ZNF469: variants seen among roughly 807,000 people sequenced by gnomAD.
ZNF469 encodes the protein zinc finger protein 469.
ZNF469 carries 1 observed loss-of-function variant against 1.0 expected under a neutral mutation model. That is an observed-to-expected ratio of 1.00 (90% CI 0.35 to 4.73). The LOEUF is 4.73. ZNF469 is among the 30% of genes most tolerant of loss of function. The pLI, the probability that ZNF469 is intolerant of heterozygous loss-of-function variation, is 0.16. For synonymous variants in ZNF469, 2,703 were observed against 2,363.4 expected (o/e 1.14, Z -4.17); for missense variants, 6,100 against 5,356.3 (o/e 1.14, Z -4.33).
chr16:88,352,111 G>A, the ZNF469 span, among the ~76,000 whole-genome samples: 1 of 152,148 alleles, frequency 6.6e-6, no homozygotes, highest in African/African-American at 2.4e-5. Context: ...ATGGGTGCGA[G>A]GGGCTGGGGG....
chr16:88,435,793 G>A lies in ZNF469; in HGVS notation c.8323G>A (p.Ala2775Thr). 6.4e-7 allele frequency: 1 copy of A among 1,550,592 alleles called. No individual in the cohort carries two copies. The highest frequency in any genetic ancestry group is 8.7e-7 in the Non-Finnish European group (1 of 1,146,952). The change falls in exon 3 of 3, where the codon GCG (alanine) becomes ACG (threonine). Residue 2775 changes from alanine (A) to threonine (T), a missense_variant. By Grantham distance (58) the Ala-to-Thr change is moderately conservative. Coordinates refer to ENST00000565624, the MANE Select transcript of ZNF469 (RefSeq NM_001367624.2). Reference sequence around the variant, plus strand: ...GTGCAAAGAGTCTGGGAGCGAGCCTGCGGAGGACAGCAGCAGGGCCCACAG... The same window carrying A: ...GTGCAAAGAGTCTGGGAGCGAGCCTACGGAGGACAGCAGCAGGGCCCACAG... ...GVCKESGSEP[A>T]EDSSRAHSRS...
At chr16:88,305,451 TAGAC>T in the ZNF469 span, among the ~76,000 whole-genome samples, 1 of 67,890 alleles carries the variant, frequency 1.5e-5, no homozygotes, top group South Asian at 5.4e-4. Flanking sequence ...CACATGCTCA[TAGAC>T]ACACACGCAC....
chr16:88,397,736 C>G (rs558184270), intron 1 of ZNF469, among the ~76,000 whole-genome samples: 1 of 152,010 alleles, frequency 6.6e-6, no homozygotes, highest in Non-Finnish European at 1.5e-5. Flanking sequence ...GAGAGATTCT[C>G]CTCTGTAAGA....
the ZNF469 span, among the ~76,000 whole-genome samples, chr16:88,104,128 A>C: frequency 6.6e-6 from 1 of 151,930 alleles, no homozygotes; most frequent in Admixed American, 6.6e-5. Context: ...TCATGGCTGA[A>C]AAATTGGGAC....
the ZNF469 span, among the ~76,000 whole-genome samples, chr16:88,365,389 G>A: frequency 6.6e-6 from 1 of 152,248 alleles, no homozygotes; most frequent in Non-Finnish European, 1.5e-5. Context: ...TGGCTGCTGG[G>A]ATGGACATGG....
intron 1 of ZNF469, among the ~76,000 whole-genome samples, chr16:88,415,430 T>C (rs1054551293): frequency 6.6e-5 from 10 of 152,208 alleles, no homozygotes; most frequent in African/African-American, 2.4e-4. Flanking sequence ...AAGAAGGCTC[T>C]GTGTCCTGGG....
At chr16:88,206,627 G>A in the ZNF469 span, among the ~76,000 whole-genome samples, 1 of 151,848 alleles carries the variant, frequency 6.6e-6, no homozygotes, top group Non-Finnish European at 1.5e-5. Flanking sequence ...CCAGAGTGGT[G>A]CTGGTTTGTC....
the ZNF469 span, among the ~76,000 whole-genome samples, chr16:88,336,680 A>G: frequency 6.6e-6 from 1 of 152,236 alleles, no homozygotes; most frequent in African/African-American, 2.4e-5. Context: ...CGACATGCCA[A>G]TACCACACAC....
chr16:88,201,412 G>C, the ZNF469 span, among the ~76,000 whole-genome samples: 1 of 152,072 alleles, frequency 6.6e-6, no homozygotes, highest in Admixed American at 6.5e-5. The surrounding 1 kb of genome is among the most constrained non-coding windows in gnomAD (Gnocchi z 5.0). Context: ...AAAATTAGCC[G>C]GGCGTGGTGG....
chr16:88,205,691 G>C, the ZNF469 span, among the ~76,000 whole-genome samples: 2 of 152,172 alleles, frequency 1.3e-5, no homozygotes, highest in African/African-American at 4.8e-5. This position sits in a 1 kb window ranked among gnomAD's most constrained non-coding sequence, Gnocchi z 4.2. Context: ...CAAACCCCGC[G>C]CCTCACTGTC....
chr16:88,272,753 G>A, the ZNF469 span, among the ~76,000 whole-genome samples: 4 of 150,848 alleles, frequency 2.7e-5, no homozygotes, highest in East Asian at 7.9e-4. Flanking sequence ...TGAACGGGTG[G>A]GTGTGTGGAT....
At chr16:88,151,618 G>C in the ZNF469 span, among the ~76,000 whole-genome samples, 3 of 152,226 alleles carry the variant, frequency 2.0e-5, no homozygotes, top group Non-Finnish European at 4.4e-5. This position sits in a 1 kb window ranked among gnomAD's most constrained non-coding sequence, Gnocchi z 5.4. Context: ...AGTGTCTTCC[G>C]TGTGGATTGG....
the ZNF469 span, among the ~76,000 whole-genome samples, chr16:88,158,027 A>G: frequency 6.6e-6 from 1 of 152,170 alleles, no homozygotes; most frequent in Non-Finnish European, 1.5e-5. Flanking sequence ...CAACGTGGTC[A>G]GGTCCTGCTG....
the ZNF469 span, among the ~76,000 whole-genome samples, chr16:88,229,604 C>T: frequency 2.3e-4 from 15 of 65,242 alleles, no homozygotes; most frequent in South Asian, 1.4e-3. Context: ...GGATGTCACG[C>T]GTGTGTGCTG....
chr16:88,279,904 G>A, the ZNF469 span, among the ~76,000 whole-genome samples: 26 of 136,288 alleles, frequency 1.9e-4, no homozygotes, highest in African/African-American at 2.8e-4. Context: ...GCTGCACCAC[G>A]CCGACACTCG....
chr16:88,252,582 G>T, the ZNF469 span, among the ~76,000 whole-genome samples: 1 of 152,040 alleles, frequency 6.6e-6, no homozygotes, highest in African/African-American at 2.4e-5. Context: ...CTGCGGGAAG[G>T]TTCACATAAC....
At chr16:88,274,038 C>A in the ZNF469 span, among the ~76,000 whole-genome samples, 2 of 152,236 alleles carry the variant, frequency 1.3e-5, no homozygotes, top group South Asian at 2.1e-4. Flanking sequence ...CTCCTGACCT[C>A]GTGATCCGCC....
At chr16:88,260,189 A>G in the ZNF469 span, among the ~76,000 whole-genome samples, 1 of 150,426 alleles carries the variant, frequency 6.6e-6, no homozygotes, top group Non-Finnish European at 1.5e-5. This position sits in a 1 kb window ranked among gnomAD's most constrained non-coding sequence, Gnocchi z 4.1. Context: ...GGGTTTTACC[A>G]TATTGGTCAG....
chr16:88,325,523 G>A, the ZNF469 span, among the ~76,000 whole-genome samples: 1 of 152,246 alleles, frequency 6.6e-6, no homozygotes, highest in African/African-American at 2.4e-5. Context: ...GCAGCCAGGG[G>A]CACTATGTGT....
Sources: gnomAD v4.1 joint callset for allele counts (sites outside exome capture counted in the v4.1 genomes callset) on GRCh38, gnomAD v4.1.1 for gene constraint, Gnocchi (gnomAD v3.1) non-coding constraint, MANE v1.5 for transcripts, NCBI Gene and HGNC (gene_info 2026-07-23, HGNC 2026-07-21) for gene names.